The following PKNOX2 variants were observed in gnomAD, a reference collection of about 807,000 sequenced individuals.
The protein encoded by PKNOX2 is homeobox protein PKNOX2.
Under a neutral mutation model 53.1 loss-of-function variants are expected in PKNOX2, and 14 were observed. The observed-to-expected ratio is 0.26, with a 90% CI of 0.17 to 0.41. The LOEUF (loss-of-function observed/expected upper bound fraction) is 0.41. PKNOX2 is among the 10% of genes least tolerant of loss of function. The pLI, the probability that PKNOX2 is intolerant of heterozygous loss-of-function variation, is 1.00. For missense variants in PKNOX2, 496 were observed against 602.8 expected (o/e 0.82, Z 1.85); for synonymous variants, 257 against 242.8 (o/e 1.06, Z -0.54).
intron 2 of PKNOX2, among the ~76,000 whole-genome samples, chr11:125,322,707 C>A (rs1949595354): frequency 6.6e-6 from 1 of 152,226 alleles, no homozygotes; most frequent in Non-Finnish European, 1.5e-5. Context: ...GCCATCACCC[C>A]TGTGTCCCCC....
rs1019347981 is a variant in PKNOX2 at position 125,165,223 on chromosome 11, C to G, written c.-201+447C>G. ...CGCATTGTCCTCGGGTGCAAGGAGC[C>G]GGGCTGCGGACTCGAATCGCCGCGG... On this transcript the variant is annotated intron_variant, in intron 1 of 12. Coordinates refer to ENST00000298282, the MANE Select transcript of PKNOX2 (RefSeq NM_001382323.2). This position sits in a 1 kb window ranked among gnomAD's most constrained non-coding sequence, Gnocchi z 4.5. 2.0e-5 allele frequency among the ~76,000 whole-genome samples: 3 copies of G among 151,584 alleles called. No individual in the cohort carries two copies. Among genetic ancestry groups the G allele is most frequent in the African/African-American group, 7.3e-5 (3 of 41,354 alleles).
chr11:125,182,825 G>T (rs1303253575), intron 1 of PKNOX2, among the ~76,000 whole-genome samples: 2 of 152,298 alleles, frequency 1.3e-5, no homozygotes, highest in African/African-American at 4.8e-5. Context: ...TGGAGACAGA[G>T]GTATAGATTG....
chr11:125,305,586 G>A lies in PKNOX2; in HGVS notation c.-129-26233G>A, dbSNP rs547446123. On this transcript the variant is annotated intron_variant, in intron 2 of 12. Transcript: ENST00000298282. ...GCTGGAGGGGAGCCACTCAGCGCAC[G>A]GCACCCACTCCAGCTCACATTTTAA... 6.2e-4 allele frequency among the ~76,000 whole-genome samples: 95 copies of A among 152,288 alleles called. 1 individual carries two copies. The highest frequency in any genetic ancestry group is 2.2e-3 in the African/African-American group (90 of 41,556).
intron 5 of PKNOX2, among the ~76,000 whole-genome samples, chr11:125,369,426 C>G (rs913866312): frequency 6.6e-6 from 1 of 152,236 alleles, no homozygotes. Flanking sequence ...ACCTCCTTCC[C>G]TCTGCCCTTC....
At chr11:125,235,210 GCAAGAGAAACACT>G (rs1359492181) in intron 2 of PKNOX2, 95 bp downstream of exon 2, 3 of 152,628 alleles carry the variant, frequency 2.0e-5, no homozygotes, top group African/African-American at 7.2e-5. Context: ...CATGCATTGT[GCAAGAGAAACACT>G]CAACAAAGAG....
chr11:125,415,136 CA>C (rs1294158758), intron 10 of PKNOX2, among the ~76,000 whole-genome samples: 4 of 151,998 alleles, frequency 2.6e-5, no homozygotes. Context: ...CATTAATTCC[CA>C]AGGTACGGAG....
chr11:125,374,442 A>G (rs1426810820), intron 5 of PKNOX2, among the ~76,000 whole-genome samples: 3 of 152,140 alleles, frequency 2.0e-5, no homozygotes, highest in African/African-American at 7.2e-5. Context: ...GCTGCTGACT[A>G]TAGTCAGGGG....
At chr11:125,271,395 C>T (rs11601666) in intron 2 of PKNOX2, among the ~76,000 whole-genome samples, 6,582 of 152,288 alleles carry the variant, frequency 0.043, 342 homozygotes, top group East Asian at 0.26. Flanking sequence ...GCTGAATTCT[C>T]CCTGAATACA....
chr11:125,351,750 C>T (rs1007494093), intron 4 of PKNOX2, among the ~76,000 whole-genome samples: 4 of 152,176 alleles, frequency 2.6e-5, no homozygotes, highest in East Asian at 1.9e-4. Flanking sequence ...CGGATGTGAG[C>T]GGAACCGCCC....
intron 2 of PKNOX2, among the ~76,000 whole-genome samples, chr11:125,306,407 C>G (rs895066296): frequency 1.3e-5 from 2 of 152,200 alleles, no homozygotes; most frequent in African/African-American, 4.8e-5. Flanking sequence ...TACTCCCAGG[C>G]CCGCTTCTCC....
intron 2 of PKNOX2, among the ~76,000 whole-genome samples, chr11:125,323,031 T>C (rs35887123): frequency 0.11 from 16,847 of 152,170 alleles, 1,326 homozygotes; most frequent in African/African-American, 0.21. Flanking sequence ...ATGCAGACCA[T>C]GGTGGAAGGG....
At chr11:125,238,318 G>A (rs1002254476) in intron 2 of PKNOX2, among the ~76,000 whole-genome samples, 4 of 152,208 alleles carry the variant, frequency 2.6e-5, no homozygotes, top group Admixed American at 6.5e-5. Context: ...AGAGTTTGGA[G>A]GAAGAGTCTT....
chr11:125,411,503 T>TCTCTCTCTCTCC (rs1565519900), intron 9 of PKNOX2: 57 of 440,668 alleles, frequency 1.3e-4, no homozygotes, highest in African/African-American at 1.1e-3. Flanking sequence ...TCTCTCTCTC[T>TCTCTCTCTCTCC]CTCTCTCCCC....
intron 6 of PKNOX2, among the ~76,000 whole-genome samples, chr11:125,394,861 G>C (rs1475459174): frequency 1.3e-5 from 2 of 152,172 alleles, no homozygotes; most frequent in African/African-American, 2.4e-5. Flanking sequence ...AACTCATACA[G>C]AGAGCTCCTG....
intron 1 of PKNOX2, among the ~76,000 whole-genome samples, chr11:125,188,991 G>A (rs985921942): frequency 1.3e-5 from 2 of 152,034 alleles, no homozygotes; most frequent in African/African-American, 2.4e-5. Context: ...ACAGGACACC[G>A]CAGGAGTTGC....
intron 1 of PKNOX2, among the ~76,000 whole-genome samples, chr11:125,174,429 T>C (rs1396601566): frequency 1.3e-5 from 2 of 152,216 alleles, no homozygotes; most frequent in Non-Finnish European, 2.9e-5. Context: ...ATCTCTTAAC[T>C]TCTCTGGATT....
intron 5 of PKNOX2, among the ~76,000 whole-genome samples, chr11:125,380,036 A>G (rs1342581933): frequency 2.0e-5 from 3 of 151,866 alleles, no homozygotes; most frequent in East Asian, 2.0e-4. Context: ...CAGAAAGGAG[A>G]AAAGAAATAA....
intron 2 of PKNOX2, among the ~76,000 whole-genome samples, chr11:125,239,301 G>A (rs1192166251): frequency 2.0e-5 from 3 of 152,160 alleles, no homozygotes; most frequent in African/African-American, 7.2e-5. Flanking sequence ...TGCTGCAGAG[G>A]AGCTAGGATC....
rs143903735 is a variant in PKNOX2 at position 125,230,330 on chromosome 11, C to T, written c.-200-4715C>T. On this transcript the variant is annotated intron_variant, in intron 1 of 12. Transcript: ENST00000298282. The stretch of plus-strand genomic sequence containing the variant: ...GCCTGCTGGTCAGGGGCCACAGTGC[C>T]TGACTGACAACCTCATGGAACAAGT... Among the ~76,000 whole-genome samples the T allele has an allele frequency of 2.1e-4, 32 of 152,352 alleles. No homozygotes were observed. The East Asian group carries it at 2.1e-3, about 10-fold the overall frequency.
Sources: gnomAD v4.1 joint callset for allele counts (sites outside exome capture counted in the v4.1 genomes callset) on GRCh38, gnomAD v4.1.1 for gene constraint, Gnocchi (gnomAD v3.1) non-coding constraint, MANE v1.5 for transcripts, NCBI Gene and HGNC (gene_info 2026-07-23, HGNC 2026-07-21) for gene names.